Variants in GMDS observed in about 807,000 individuals in gnomAD.
The protein encoded by GMDS is GDP-mannose 4,6 dehydratase.
A neutral mutation model predicts 49.9 loss-of-function variants in GMDS; 20 were observed. The observed-to-expected ratio is 0.40, with a 90% CI of 0.28 to 0.58. The LOEUF is 0.58. Among genes scored for constraint, GMDS ranks in the 20% least tolerant of loss-of-function variants. The pLI is 0.42. For missense variants in GMDS, 362 were observed against 481.4 expected (o/e 0.75, Z 2.32); for synonymous variants, 177 against 178.6 (o/e 0.99, Z 0.07).
chr6:1,650,447 C>T (rs977835444), intron 9 of GMDS, among the ~76,000 whole-genome samples: 1 of 152,154 alleles, frequency 6.6e-6, no homozygotes, highest in African/African-American at 2.4e-5. Flanking sequence ...TGAAATATTC[C>T]AGTCCGTTCA....
chr6:1,964,133 T>C (rs1019000139), intron 4 of GMDS, among the ~76,000 whole-genome samples: 1 of 152,240 alleles, frequency 6.6e-6, no homozygotes, highest in Non-Finnish European at 1.5e-5. Context: ...GATTTGTGGA[T>C]TGCAGATTAA....
chr6:1,623,940 A>C lies in GMDS; in HGVS notation c.*229T>G. 1 of 510,800 alleles carries C rather than the reference A, an allele frequency of 2.0e-6. No homozygotes were observed. The highest frequency in any genetic ancestry group is 3.5e-6 in the Non-Finnish European group (1 of 288,576). 31.6% of individuals were successfully genotyped at this position (510,800 alleles called of 1,614,324 possible). A position where few individuals can be genotyped will look rare whatever the true frequency, so the allele number is the denominator to read the frequency against. ...ACATCTTGATTTCACAAAGCCATTC[A>C]GAGGAGGCTTCGACAAACGCAAAGC... is the stretch of plus-strand genomic sequence containing the variant. On this transcript the variant is annotated 3_prime_UTR_variant, in exon 11 of 11. Transcript: ENST00000380815.
At chr6:1,768,697 G>A (rs992164742) in intron 7 of GMDS, among the ~76,000 whole-genome samples, 8 of 152,176 alleles carry the variant, frequency 5.3e-5, no homozygotes, top group Non-Finnish European at 8.8e-5. Context: ...TGGGATGTTC[G>A]ACCAGTAAGT....
intron 1 of GMDS, among the ~76,000 whole-genome samples, chr6:2,199,870 T>A (rs1779430041): frequency 1.3e-5 from 2 of 152,170 alleles, no homozygotes; most frequent in South Asian, 4.1e-4. Context: ...GGAATATTTA[T>A]CAAAAATAAA....
At chr6:1,768,124 A>T (rs1768429102) in intron 7 of GMDS, among the ~76,000 whole-genome samples, 1 of 152,214 alleles carries the variant, frequency 6.6e-6, no homozygotes, top group African/African-American at 2.4e-5. Context: ...TTCAGTACTG[A>T]GGCCTTTAAA....
chr6:1,974,062 G>A (rs992692702), intron 4 of GMDS, among the ~76,000 whole-genome samples: 5 of 151,980 alleles, frequency 3.3e-5, no homozygotes, highest in African/African-American at 1.2e-4. Flanking sequence ...TGGATAATAA[G>A]CTGTTTTCCC....
chr6:1,960,141 T>C (rs1404088018), intron 5 of GMDS, among the ~76,000 whole-genome samples, 170 bp from the exon 6 acceptor site: 1 of 152,238 alleles, frequency 6.6e-6, no homozygotes, highest in African/African-American at 2.4e-5. Flanking sequence ...TCAATCATGT[T>C]CACCAGGAAA....
intron 4 of GMDS, among the ~76,000 whole-genome samples, chr6:2,054,058 A>G (rs1242832886): frequency 6.6e-6 from 1 of 152,152 alleles, no homozygotes; most frequent in Non-Finnish European, 1.5e-5. Context: ...AAAGACACTA[A>G]AGTTACAAAA....
chr6:1,705,575 G>A (rs931040220), intron 9 of GMDS, among the ~76,000 whole-genome samples: 5 of 152,230 alleles, frequency 3.3e-5, no homozygotes, highest in Non-Finnish European at 5.9e-5. Flanking sequence ...CTTGTGTCAG[G>A]TTGGGCCAGA....
chr6:2,163,120 T>A (rs1185850453), intron 1 of GMDS, among the ~76,000 whole-genome samples: 1 of 152,196 alleles, frequency 6.6e-6, no homozygotes, highest in African/African-American at 2.4e-5. Flanking sequence ...CGATGACATG[T>A]GCCTAGGAGG....
intron 9 of GMDS, among the ~76,000 whole-genome samples, chr6:1,661,084 A>T (rs907410662): frequency 6.6e-6 from 1 of 152,116 alleles, no homozygotes; most frequent in Non-Finnish European, 1.5e-5. Context: ...TTCCCACGTG[A>T]TTACAACGAA....
Position 2,064,116 on chromosome 6 carries a change from A to C in GMDS, c.345+51655T>G, listed in dbSNP as rs189197617. 2.6e-3 allele frequency among the ~76,000 whole-genome samples: 392 copies of C among 152,328 alleles called. 2 individuals are homozygous for C. Among genetic ancestry groups the C allele is most frequent in the African/African-American group, 9.2e-3 (382 of 41,572 alleles). On this transcript the variant is annotated intron_variant, in intron 4 of 10. Coordinates refer to ENST00000380815, the MANE Select transcript of GMDS (RefSeq NM_001500.4). Reference sequence around the variant, plus strand: ...TTTAAAACACCAACAAAAGGCACCCAATAAAACGGCTTTCAGAATACAAAG... The same window carrying C: ...TTTAAAACACCAACAAAAGGCACCCCATAAAACGGCTTTCAGAATACAAAG...
chr6:2,179,136 C>T (rs1049913681), intron 1 of GMDS, among the ~76,000 whole-genome samples: 1 of 152,124 alleles, frequency 6.6e-6, no homozygotes, highest in Admixed American at 6.5e-5. Flanking sequence ...CACAGTAAAA[C>T]GTTATAGTAC....
At position 2,012,853 on chromosome 6, in the gene GMDS, G is replaced by A. The variant is rs150504521; in HGVS notation, c.346-51887C>T. On this transcript the variant is annotated intron_variant, in intron 4 of 10. Transcript: ENST00000380815. Reference sequence around the variant, plus strand: ...TCAAGAGCTCCAAGACAGTCTTTACGGTGAACATCAGAGAAAACCCCCTCC... The same window carrying A: ...TCAAGAGCTCCAAGACAGTCTTTACAGTGAACATCAGAGAAAACCCCCTCC... Among the ~76,000 whole-genome samples the A allele has an allele frequency of 4.6e-3, 697 of 152,116 alleles. 9 individuals carry two copies. Among genetic ancestry groups the A allele is most frequent in the Middle Eastern group, 0.037 (11 of 294 alleles).
chr6:1,832,197 C>T (rs551175439), intron 7 of GMDS, among the ~76,000 whole-genome samples: 1 of 150,870 alleles, frequency 6.6e-6, no homozygotes, highest in African/African-American at 2.4e-5. Flanking sequence ...TTGAGACCAG[C>T]CTGGGCAATA....
At chr6:1,784,410 A>G (rs891843132) in intron 7 of GMDS, among the ~76,000 whole-genome samples, 31 of 151,600 alleles carry the variant, frequency 2.0e-4, no homozygotes, top group Non-Finnish European at 3.5e-4. Flanking sequence ...AAAAAAAAAA[A>G]AAAAGAAAAT....
At chr6:1,868,926 C>T (rs1758585614) in intron 7 of GMDS, among the ~76,000 whole-genome samples, 1 of 152,186 alleles carries the variant, frequency 6.6e-6, no homozygotes, top group South Asian at 2.1e-4. Flanking sequence ...TACTCTCCTT[C>T]TAAAAATGAT....
chr6:2,037,381 G>T lies in GMDS; in HGVS notation c.346-76415C>A, dbSNP rs148155768. ...AAATAAACCATTCCCACTGAAGTACGCTGGTTCACACTGCAGTTCCCTCAC... is the reference window on the plus strand; with the variant it reads ...AAATAAACCATTCCCACTGAAGTACTCTGGTTCACACTGCAGTTCCCTCAC... On this transcript the variant is annotated intron_variant, in intron 4 of 10. Transcript: ENST00000380815. Among the ~76,000 whole-genome samples the T allele has an allele frequency of 4.8e-3, 726 of 152,276 alleles. 1 individual carries two copies. The highest frequency in any genetic ancestry group is 0.01 in the Middle Eastern group (3 of 294).
At chr6:1,869,325 C>T (rs559405388) in intron 7 of GMDS, among the ~76,000 whole-genome samples, 38 of 152,152 alleles carry the variant, frequency 2.5e-4, no homozygotes, top group Non-Finnish European at 4.7e-4. Flanking sequence ...AAATCAAGGG[C>T]GTAAGTCACA....
Sources: gnomAD v4.1 joint callset for allele counts (sites outside exome capture counted in the v4.1 genomes callset) on GRCh38, gnomAD v4.1.1 for gene constraint, MANE v1.5 for transcripts, NCBI Gene and HGNC (gene_info 2026-07-23, HGNC 2026-07-21) for gene names.